PRELID2: variants seen among roughly 807,000 people sequenced by gnomAD.
PRELID2 encodes PRELI domain-containing protein 2.
Under a neutral mutation model 28.4 loss-of-function variants are expected in PRELID2, and 25 were observed. The ratio of observed to expected loss-of-function variants is 0.88; its 90% confidence interval spans 0.64 to 1.23. The LOEUF is 1.23. PRELID2 is among the 50% of genes most tolerant of loss of function. The pLI is 0.00. For missense variants in PRELID2, 201 were observed against 214.4 expected (o/e 0.94, Z 0.39); for synonymous variants, 76 against 71.6 (o/e 1.06, Z -0.31).
At chr5:145,490,545 T>G (rs901508398) in intron 1 of PRELID2, among the ~76,000 whole-genome samples, 2 of 152,162 alleles carry the variant, frequency 1.3e-5, no homozygotes, top group Non-Finnish European at 2.9e-5. Context: ...CAGTTAAGTA[T>G]GAATCATATC....
the PRELID2 span, among the ~76,000 whole-genome samples, chr5:145,409,097 G>T: frequency 6.6e-6 from 1 of 152,152 alleles, no homozygotes; most frequent in African/African-American, 2.4e-5. Flanking sequence ...TGTCAGCCAG[G>T]AGTTTTGTAT....
chr5:145,286,758 G>A, the PRELID2 span, among the ~76,000 whole-genome samples: 1 of 131,678 alleles, frequency 7.6e-6, no homozygotes. Context: ...GTCTCACTCT[G>A]TAGCCCAGGC....
At chr5:145,569,157 T>C (rs1001796800) in intron 1 of PRELID2, among the ~76,000 whole-genome samples, 5 of 152,230 alleles carry the variant, frequency 3.3e-5, no homozygotes, top group African/African-American at 1.2e-4. Flanking sequence ...GAATAGTTTG[T>C]GTCTAAGCAA....
intron 1 of PRELID2, among the ~76,000 whole-genome samples, chr5:145,596,384 T>C (rs752558836): frequency 6.6e-6 from 1 of 152,126 alleles, no homozygotes; most frequent in Non-Finnish European, 1.5e-5. Context: ...GACCTGGCAT[T>C]TATCCTGGAA....
At chr5:145,464,347 G>A in the PRELID2 span, among the ~76,000 whole-genome samples, 1 of 152,120 alleles carries the variant, frequency 6.6e-6, no homozygotes, top group Non-Finnish European at 1.5e-5. Flanking sequence ...CTCTCTTAGT[G>A]CCAATTTTGT....
At chr5:145,741,382 T>C (rs1400324673) in intron 1 of PRELID2, among the ~76,000 whole-genome samples, 1 of 106,790 alleles carries the variant, frequency 9.4e-6, no homozygotes, top group Non-Finnish European at 1.7e-5. Flanking sequence ...AAATTTTATT[T>C]ATAAATTATT....
At chr5:145,821,609 T>A (rs1411599258) in intron 2 of PRELID2, among the ~76,000 whole-genome samples, 8 of 152,216 alleles carry the variant, frequency 5.3e-5, no homozygotes, top group African/African-American at 1.9e-4. Flanking sequence ...GCTCTGGCTA[T>A]AGTAGTCCCA....
intron 1 of PRELID2, among the ~76,000 whole-genome samples, chr5:145,658,826 C>A (rs1269467296): frequency 6.6e-6 from 1 of 152,004 alleles, no homozygotes. Context: ...ACATATAAAT[C>A]AATAAATAAG....
At chr5:145,299,635 A>ATATGTGTGTGTGTGTG in the PRELID2 span, among the ~76,000 whole-genome samples, 3 of 107,614 alleles carry the variant, frequency 2.8e-5, no homozygotes, top group East Asian at 6.6e-4. Flanking sequence ...CTACATATAT[A>ATATGTGTGTGTGTGTG]TGTGTGTGCG....
the PRELID2 span, among the ~76,000 whole-genome samples, chr5:145,263,427 C>T: frequency 2.8e-4 from 43 of 151,808 alleles, no homozygotes; most frequent in African/African-American, 8.9e-4. Flanking sequence ...ATAGACCATA[C>T]GCTAGGTCAT....
chr5:145,644,755 C>T (rs560939932), intron 1 of PRELID2, among the ~76,000 whole-genome samples: 14 of 152,138 alleles, frequency 9.2e-5, no homozygotes, highest in Non-Finnish European at 1.8e-4. Flanking sequence ...TTTATTTCTG[C>T]CTTCATTTCA....
At chr5:145,603,314 T>C (rs1486817648) in intron 1 of PRELID2, among the ~76,000 whole-genome samples, 2 of 151,908 alleles carry the variant, frequency 1.3e-5, no homozygotes, top group Admixed American at 1.3e-4. Flanking sequence ...AGAAAAATCT[T>C]TGAATGAGAC....
In PRELID2 at chr5:145,680,447, T is replaced by A. The variant is rs1754910105; in HGVS notation, n.70+84484A>T. Among the ~76,000 whole-genome samples, 3 of 152,324 alleles carry A rather than the reference T, an allele frequency of 2.0e-5. No individual in the cohort carries two copies. The South Asian group carries it at 6.2e-4, about 32-fold the overall frequency. On this transcript the variant is annotated intron_variant and non_coding_transcript_variant, in intron 1 of 2. Coordinates refer to the PRELID2 transcript ENST00000510259. ...CTGATTGGACCCAGCCTGGAATAAA[T>A]CAGGCTTCTCTCTCCCAGCAGTAGA...
chr5:145,793,259 G>C (rs1164133477), intron 5 of PRELID2, among the ~76,000 whole-genome samples: 1 of 152,168 alleles, frequency 6.6e-6, no homozygotes, highest in Non-Finnish European at 1.5e-5. Context: ...GCTAAAGCCA[G>C]CTTTTAATTT....
At chr5:145,549,928 T>C (rs987148886) in intron 1 of PRELID2, among the ~76,000 whole-genome samples, 1 of 152,160 alleles carries the variant, frequency 6.6e-6, no homozygotes. Flanking sequence ...AAAGATGAAA[T>C]TGTTTCCTTC....
At chr5:145,587,778 A>G (rs948564871) in intron 1 of PRELID2, among the ~76,000 whole-genome samples, 1 of 152,134 alleles carries the variant, frequency 6.6e-6, no homozygotes, top group Non-Finnish European at 1.5e-5. Context: ...TATTTCCTTG[A>G]TTCACTGGTA....
chr5:145,661,536 G>T (rs1239180300), intron 1 of PRELID2, among the ~76,000 whole-genome samples: 5 of 151,964 alleles, frequency 3.3e-5, no homozygotes, highest in Non-Finnish European at 7.4e-5. Flanking sequence ...TCAAATAGAA[G>T]AATGGACCCT....
At chr5:145,694,167 G>A (rs759467813) in intron 1 of PRELID2, among the ~76,000 whole-genome samples, 1 of 152,126 alleles carries the variant, frequency 6.6e-6, no homozygotes, top group African/African-American at 2.4e-5. Context: ...CTTAGTACCC[G>A]AAACATAGTA....
At chr5:145,648,036 G>A (rs2149668675) in intron 1 of PRELID2, among the ~76,000 whole-genome samples, 1 of 152,340 alleles carries the variant, frequency 6.6e-6, no homozygotes, top group Admixed American at 6.5e-5. Flanking sequence ...GACTAGGGAA[G>A]ACAGACATTG....
Sources: gnomAD v4.1 joint callset for allele counts (sites outside exome capture counted in the v4.1 genomes callset) on GRCh38, gnomAD v4.1.1 for gene constraint, MANE v1.5 for transcripts, NCBI Gene and HGNC (gene_info 2026-07-23, HGNC 2026-07-21) for gene names.